The following FIRRM variants were observed in gnomAD, a reference collection of about 807,000 sequenced individuals.
The protein encoded by FIRRM is FIGNL1 interacting regulator of recombination and mitosis, also known as FIGNL1-interacting regulator of recombination and mitosis.
At chr1:169,837,252 ATTTC>A in the FIRRM span, 1 of 587,070 alleles carries the variant, frequency 1.7e-6, no homozygotes, top group Non-Finnish European at 2.7e-6. Flanking sequence ...AGATTTTCAG[ATTTC>A]TTCATTGTAA....
the FIRRM span, chr1:169,853,831 ACGC>A: frequency 6.3e-7 from 1 of 1,586,492 alleles, no homozygotes; most frequent in South Asian, 1.1e-5. Context: ...CAAAAATCAT[ACGC>A]AAATTTGAAA....
At chr1:169,850,980 C>CTTTTTTTTTTTTTTTTTTTTTTTTTT in the FIRRM span, 1 of 31,580 alleles carries the variant, frequency 3.2e-5, no homozygotes, top group African/African-American at 1.9e-4. Flanking sequence ...TTAGGCATGG[C>CTTTTTTTTTTTTTTTTTTTTTTTTTT]TTTTTTTTTT....
the FIRRM span, among the ~76,000 whole-genome samples, chr1:169,848,607 TGTTAAG>T: frequency 6.5e-4 from 99 of 152,356 alleles, no homozygotes; most frequent in African/African-American, 1.9e-3. Flanking sequence ...GTCTCCATCA[TGTTAAG>T]GTTTTATTTC....
chr1:169,823,810 G>A, the FIRRM span, among the ~76,000 whole-genome samples: 1 of 151,778 alleles, frequency 6.6e-6, no homozygotes, highest in Non-Finnish European at 1.5e-5. Context: ...TTGTTTCTAT[G>A]AAGTTTAAGT....
At chr1:169,822,457 A>G in the FIRRM span, among the ~76,000 whole-genome samples, 14 of 152,114 alleles carry the variant, frequency 9.2e-5, no homozygotes, top group Admixed American at 2.6e-4. Context: ...TGCTGTAAGC[A>G]TTCTCTGCTC....
At chr1:169,827,976 C>CAT in the FIRRM span, 2 of 812,384 alleles carry the variant, frequency 2.5e-6, no homozygotes, top group Non-Finnish European at 3.8e-6. Flanking sequence ...TGTAGACACA[C>CAT]ATATATATTG....
the FIRRM span, among the ~76,000 whole-genome samples, chr1:169,837,617 T>C: frequency 2.0e-5 from 3 of 152,228 alleles, no homozygotes; most frequent in Non-Finnish European, 4.4e-5. Flanking sequence ...TCGAGTTTAG[T>C]GTTCATATGC....
the FIRRM span, among the ~76,000 whole-genome samples, chr1:169,809,644 T>G: frequency 2.2e-4 from 33 of 152,282 alleles, no homozygotes; most frequent in African/African-American, 7.5e-4. Context: ...TAGATGGAAA[T>G]CAGAAAATTT....
the FIRRM span, chr1:169,832,278 C>T: frequency 3.7e-6 from 2 of 543,830 alleles, no homozygotes; most frequent in South Asian, 2.7e-5. Context: ...TAAGAAAAGC[C>T]CCAAATTAAA....
the FIRRM span, among the ~76,000 whole-genome samples, chr1:169,796,327 C>A: frequency 6.6e-6 from 1 of 152,262 alleles, no homozygotes; most frequent in Non-Finnish European, 1.5e-5. Flanking sequence ...AGAACAGAGA[C>A]ACGGAACGTG....
At chr1:169,832,355 C>A in the FIRRM span, 1 of 1,162,686 alleles carries the variant, frequency 8.6e-7, no homozygotes, top group Non-Finnish European at 1.3e-6. Flanking sequence ...ATATTCTCTT[C>A]TTGTAAAAAT....
the FIRRM span, chr1:169,793,691 G>A: frequency 1.3e-6 from 2 of 1,575,462 alleles, no homozygotes; most frequent in South Asian, 1.2e-5. Flanking sequence ...AAACTGAAAG[G>A]TCATCCTCTT....
chr1:169,807,143 T>C, the FIRRM span, among the ~76,000 whole-genome samples: 1 of 152,212 alleles, frequency 6.6e-6, no homozygotes, highest in Non-Finnish European at 1.5e-5. Context: ...GCCTGTCTCA[T>C]GCTGCTCTCC....
the FIRRM span, among the ~76,000 whole-genome samples, chr1:169,837,694 G>T: frequency 1.3e-5 from 2 of 152,196 alleles, no homozygotes; most frequent in South Asian, 2.1e-4. Flanking sequence ...GGCATTGGGG[G>T]TACATCGGGA....
the FIRRM span, among the ~76,000 whole-genome samples, chr1:169,825,030 T>G: frequency 2.6e-5 from 4 of 152,210 alleles, no homozygotes; most frequent in African/African-American, 7.2e-5. Flanking sequence ...TTCTTCAAAT[T>G]GATCAGGCCA....
chr1:169,844,777 T>TA, the FIRRM span, among the ~76,000 whole-genome samples: 1 of 152,170 alleles, frequency 6.6e-6, no homozygotes, highest in African/African-American at 2.4e-5. Context: ...TGCCTACCTT[T>TA]AAAAAACCCA....
At chr1:169,848,818 T>G in the FIRRM span, among the ~76,000 whole-genome samples, 2 of 152,362 alleles carry the variant, frequency 1.3e-5, no homozygotes, top group Admixed American at 1.3e-4. Context: ...GAAATCGCAG[T>G]GCCTTCTGTA....
At chr1:169,853,774 T>C in the FIRRM span, 5 of 1,613,816 alleles carry the variant, frequency 3.1e-6, no homozygotes, top group Non-Finnish European at 4.2e-6. Context: ...AGCCTCTCCC[T>C]GCAACAAAAT....
the FIRRM span, chr1:169,802,659 C>T: frequency 1.2e-6 from 2 of 1,612,438 alleles, no homozygotes; most frequent in Non-Finnish European, 1.7e-6. Flanking sequence ...ATGAATTAAC[C>T]AGTCAAGCCA....
Sources: gnomAD v4.1 joint callset for allele counts (sites outside exome capture counted in the v4.1 genomes callset) on GRCh38, gnomAD v4.1.1 for gene constraint, MANE v1.5 for transcripts, NCBI Gene and HGNC (gene_info 2026-07-23, HGNC 2026-07-21) for gene names.